Variants in PRKD1 observed in about 807,000 individuals in gnomAD.
PRKD1 encodes serine/threonine-protein kinase D1.
In PRKD1, 63 loss-of-function variants were observed where a neutral mutation model predicts 95.9. The ratio of observed to expected loss-of-function variants is 0.66; its 90% CI spans 0.54 to 0.81. PRKD1 has a LOEUF of 0.81. PRKD1 is among the 30% of genes least tolerant of loss of function. The pLI, the probability that PRKD1 is intolerant of heterozygous loss-of-function variation, is 0.00. For missense variants in PRKD1, 1,048 were observed against 1,165.3 expected (o/e 0.90, Z 1.47); for synonymous variants, 425 against 423.1 (o/e 1.00, Z -0.05).
intron 1 of PRKD1, among the ~76,000 whole-genome samples, chr14:29,864,318 TAAA>T (rs980734103): frequency 1.3e-5 from 2 of 152,076 alleles, no homozygotes. Flanking sequence ...TTAAAAGTCT[TAAA>T]GGTTTCCTGA....
At chr14:29,640,481 T>C (rs1880686405) in intron 4 of PRKD1, among the ~76,000 whole-genome samples, 1 of 152,156 alleles carries the variant, frequency 6.6e-6, no homozygotes, top group East Asian at 1.9e-4. Context: ...ACATTCACAA[T>C]TACAATTCCA....
intron 2 of PRKD1, among the ~76,000 whole-genome samples, chr14:29,716,733 G>A (rs1246663471): frequency 6.6e-6 from 1 of 152,156 alleles, no homozygotes; most frequent in Non-Finnish European, 1.5e-5. Context: ...TATTTAGGAA[G>A]AAAAGAGCAA....
At chr14:29,893,259 A>T (rs923264163) in intron 1 of PRKD1, among the ~76,000 whole-genome samples, 5 of 152,252 alleles carry the variant, frequency 3.3e-5, no homozygotes, top group Middle Eastern at 3.4e-3. Context: ...TAATACATAT[A>T]AGAGTAGTTT....
chr14:29,924,087 G>A (rs936864911), intron 1 of PRKD1, among the ~76,000 whole-genome samples: 4 of 151,958 alleles, frequency 2.6e-5, no homozygotes, highest in Admixed American at 6.6e-5. Flanking sequence ...AGGCTTCAAC[G>A]TCACACACTT....
At chr14:29,619,115 A>G (rs1041411839) in intron 13 of PRKD1, among the ~76,000 whole-genome samples, 1 of 152,202 alleles carries the variant, frequency 6.6e-6, no homozygotes, top group Non-Finnish European at 1.5e-5. Flanking sequence ...TTATTTCTCA[A>G]GATTAGTAAA....
At chr14:29,769,460 C>T (rs898870647) in intron 1 of PRKD1, among the ~76,000 whole-genome samples, 22 of 152,078 alleles carry the variant, frequency 1.4e-4, no homozygotes, top group Middle Eastern at 3.4e-3. Flanking sequence ...TTCAGGGAGA[C>T]GGAGGCAGAA....
intron 16 of PRKD1, 44 bp downstream of exon 16, chr14:29,597,447 A>T: frequency 6.8e-7 from 1 of 1,467,940 alleles, no homozygotes; most frequent in Non-Finnish European, 9.2e-7. Context: ...TAACATAAAC[A>T]AATAAGGATT....
At chr14:29,739,767 A>G (rs964641499) in intron 1 of PRKD1, among the ~76,000 whole-genome samples, 5 of 152,184 alleles carry the variant, frequency 3.3e-5, no homozygotes, top group African/African-American at 1.2e-4. Context: ...GAAGTCTAAT[A>G]AGCTACAGGT....
chr14:29,714,968 G>A (rs532036521), intron 2 of PRKD1, among the ~76,000 whole-genome samples: 13 of 152,072 alleles, frequency 8.5e-5, no homozygotes, highest in Non-Finnish European at 1.6e-4. Flanking sequence ...GGGGGATGGA[G>A]GGCTAGGGGA....
At chr14:29,816,495 T>G (rs1158654265) in intron 1 of PRKD1, among the ~76,000 whole-genome samples, 1 of 152,200 alleles carries the variant, frequency 6.6e-6, no homozygotes, top group East Asian at 1.9e-4. Context: ...AGAAAAAACG[T>G]TACCATAAAT....
chr14:29,618,579 G>A (rs371374883), intron 13 of PRKD1, among the ~76,000 whole-genome samples: 10 of 152,034 alleles, frequency 6.6e-5, no homozygotes, highest in East Asian at 1.9e-4. Flanking sequence ...ACTAACACCC[G>A]TCTGAAACAT....
Position 29,599,766 on chromosome 14 carries a change from C to T in PRKD1, c.1957G>A (p.Glu653Lys). 1.2e-6 allele frequency: 2 copies of T among 1,613,258 alleles called. No individual in the cohort carries two copies. Among genetic ancestry groups the T allele is most frequent in the South Asian group, 1.1e-5 (1 of 91,050 alleles). ...VNLECMFETP[E>K]RVFVVMEKLH... is the part of the protein sequence containing the mutation. Reference sequence around the variant, plus strand: ...TTTTCCATAACAACAAACACTCTTTCAGGCGTCTCAAACATACACTCCAAA... The same window carrying T: ...TTTTCCATAACAACAAACACTCTTTTAGGCGTCTCAAACATACACTCCAAA... Residue 653 changes from glutamate (E) to lysine (K), a missense_variant, in exon 14 of 18, where the codon GAA (glutamate) becomes AAA (lysine). Coordinates refer to ENST00000331968, the MANE Select transcript of PRKD1 (RefSeq NM_002742.3).
intron 1 of PRKD1, among the ~76,000 whole-genome samples, chr14:29,829,896 T>C (rs1241922133): frequency 6.6e-6 from 1 of 152,204 alleles, no homozygotes; most frequent in Non-Finnish European, 1.5e-5. Context: ...GATTCACTTA[T>C]TTCCTCTACG....
chr14:29,610,120 G>C (rs1878353161), intron 13 of PRKD1, among the ~76,000 whole-genome samples: 1 of 151,838 alleles, frequency 6.6e-6, no homozygotes, highest in Non-Finnish European at 1.5e-5. Context: ...CCACATAGAA[G>C]TAGTATAAAA....
In PRKD1 at chr14:29,913,572, T is replaced by C. The variant is rs139546913; in HGVS notation, c.264+13677A>G. Among the ~76,000 whole-genome samples, 82 of 152,344 alleles carry C rather than the reference T, an allele frequency of 5.4e-4. 1 individual carries two copies. Among genetic ancestry groups the C allele is most frequent in the African/African-American group, 1.8e-3 (76 of 41,590 alleles). ...AAAAAAAGGCAAAGATCATGCAAGA[T>C]GTAGTTTTTCATTCTTCAAAAATGT... On this transcript the variant is annotated intron_variant, in intron 1 of 17. Transcript: ENST00000331968.
At position 29,613,129 on chromosome 14, in the gene PRKD1, A is replaced by G. The variant is rs536054929; in HGVS notation, c.1905+11023T>C. On this transcript the variant is annotated intron_variant, in intron 13 of 17. Coordinates refer to ENST00000331968, the MANE Select transcript of PRKD1 (RefSeq NM_002742.3). ...AAAATTCTTCATGTAATATAATGCA[A>G]GGAAAGAAATATTTGAAGAAATATA... is the stretch of plus-strand genomic sequence containing the variant. Among the ~76,000 whole-genome samples, 273 of 152,334 alleles carry G rather than the reference A, an allele frequency of 1.8e-3. 1 individual carries two copies. Among genetic ancestry groups the G allele is most frequent in the African/African-American group, 6.3e-3 (260 of 41,580 alleles).
intron 2 of PRKD1, among the ~76,000 whole-genome samples, chr14:29,688,948 C>CA (rs377212196): frequency 0.1 from 3,297 of 32,426 alleles, 408 homozygotes; most frequent in Non-Finnish European, 0.15. Flanking sequence ...GACTCCGTCT[C>CA]AAAAAAAAAA....
intron 1 of PRKD1, among the ~76,000 whole-genome samples, chr14:29,837,438 T>C (rs968581961): frequency 1.3e-5 from 2 of 152,154 alleles, no homozygotes; most frequent in Non-Finnish European, 2.9e-5. Flanking sequence ...AGCTTTCTTA[T>C]GTGAATTTAA....
At chr14:29,703,835 T>C (rs756053047) in intron 2 of PRKD1, among the ~76,000 whole-genome samples, 1 of 152,142 alleles carries the variant, frequency 6.6e-6, no homozygotes, top group Non-Finnish European at 1.5e-5. Context: ...TCTCAAACTC[T>C]TTCCTATGAA....
Sources: allele counts gnomAD v4.1 joint callset (sites outside exome capture counted in the v4.1 genomes callset), GRCh38; gene constraint gnomAD v4.1.1; transcripts MANE v1.5; gene names NCBI Gene and HGNC (gene_info 2026-07-23, HGNC 2026-07-21).